SLC9A9: variants seen among roughly 807,000 people sequenced by gnomAD.
SLC9A9 encodes the protein sodium/hydrogen exchanger 9.
SLC9A9 carries 62 observed loss-of-function variants against 77.8 expected under a neutral mutation model. The ratio of observed to expected loss-of-function variants is 0.80; its 90% CI spans 0.65 to 0.98. The LOEUF (loss-of-function observed/expected upper bound fraction) is 0.98, where lower values mean the gene tolerates loss of function less well. Ranked by LOEUF, SLC9A9 falls within the 50% of genes least tolerant of loss-of-function variation. The pLI, the probability that SLC9A9 is intolerant of heterozygous loss-of-function variation, is 0.00. For synonymous variants in SLC9A9, 320 were observed against 283.5 expected (o/e 1.13, Z -1.29); for missense variants, 775 against 774.9 (o/e 1.00, Z 0.00).
At chr3:143,771,262 G>A (rs957337788) in intron 4 of SLC9A9, among the ~76,000 whole-genome samples, 1 of 152,166 alleles carries the variant, frequency 6.6e-6, no homozygotes, top group African/African-American at 2.4e-5. Context: ...GGAACAGGGA[G>A]GAGAGTGTTC....
At chr3:143,712,086 G>A (rs549212690) in intron 4 of SLC9A9, among the ~76,000 whole-genome samples, 2 of 152,270 alleles carry the variant, frequency 1.3e-5, no homozygotes, top group South Asian at 2.1e-4. Flanking sequence ...GAACTGAAAC[G>A]TACACCGTTC....
chr3:143,270,465 C>T (rs1937866679), intron 14 of SLC9A9, among the ~76,000 whole-genome samples: 1 of 152,080 alleles, frequency 6.6e-6, no homozygotes, highest in East Asian at 1.9e-4. Context: ...AGATCTCGCC[C>T]CTGCTGGGGA....
intron 6 of SLC9A9, among the ~76,000 whole-genome samples, chr3:143,625,774 T>C (rs1241121215): frequency 6.6e-6 from 1 of 152,084 alleles, no homozygotes; most frequent in Non-Finnish European, 1.5e-5. Flanking sequence ...TGGGATCTAA[T>C]TAAACTAAAG....
At position 143,609,589 on chromosome 3, in the gene SLC9A9, C is replaced by T. The variant is rs6788188; in HGVS notation, c.756-30866G>A. 7.1e-3 allele frequency among the ~76,000 whole-genome samples: 1,079 copies of T among 152,158 alleles called. 16 individuals are homozygous for T. Among genetic ancestry groups the T allele is most frequent in the African/African-American group, 0.025 (1,024 of 41,490 alleles). ...GTGAAAAGTGGAAGACTTTTCCTCC[C>T]TCTCTGACACCCAAGTCCCACTTCC... On this transcript the variant is annotated intron_variant, in intron 6 of 15. Transcript: ENST00000316549.
At chr3:143,598,906 C>G (rs2037802403) in intron 6 of SLC9A9, among the ~76,000 whole-genome samples, 1 of 152,208 alleles carries the variant, frequency 6.6e-6, no homozygotes, top group South Asian at 2.1e-4. Context: ...TATTATCTTT[C>G]TCAGGGAACA....
At chr3:143,394,433 G>A (rs1020420491) in intron 12 of SLC9A9, among the ~76,000 whole-genome samples, 5 of 152,094 alleles carry the variant, frequency 3.3e-5, no homozygotes, top group African/African-American at 1.2e-4. Flanking sequence ...CAATAAATTA[G>A]GTATTGATGG....
intron 9 of SLC9A9, among the ~76,000 whole-genome samples, chr3:143,550,101 G>A (rs573181300): frequency 1.8e-4 from 28 of 152,266 alleles, no homozygotes; most frequent in African/African-American, 6.5e-4. Flanking sequence ...GAGTCCCTGG[G>A]CAGGTAGAGG....
At chr3:143,815,106 TGAA>T (rs2008970204) in intron 2 of SLC9A9, among the ~76,000 whole-genome samples, 1 of 151,938 alleles carries the variant, frequency 6.6e-6, no homozygotes, top group Non-Finnish European at 1.5e-5. Flanking sequence ...GCCAAAATAA[TGAA>T]GATGTGCTAA....
chr3:143,291,586 TG>T (rs2029979166), intron 14 of SLC9A9, among the ~76,000 whole-genome samples: 1 of 152,162 alleles, frequency 6.6e-6, no homozygotes, highest in Non-Finnish European at 1.5e-5. Context: ...AAAAGGCTAT[TG>T]GGCTGGAGAC....
At chr3:143,660,730 C>T (rs2038965506) in intron 5 of SLC9A9, among the ~76,000 whole-genome samples, 1 of 152,168 alleles carries the variant, frequency 6.6e-6, no homozygotes, top group Non-Finnish European at 1.5e-5. Flanking sequence ...TTTGGTTTTT[C>T]AATATATGAG....
At chr3:143,575,966 C>A (rs1169284829) in intron 7 of SLC9A9, among the ~76,000 whole-genome samples, 1 of 152,162 alleles carries the variant, frequency 6.6e-6, no homozygotes, top group Non-Finnish European at 1.5e-5. Flanking sequence ...TGTTACCGAG[C>A]CTGTTTCTTC....
intron 12 of SLC9A9, among the ~76,000 whole-genome samples, chr3:143,390,696 C>G (rs2033540822): frequency 6.6e-6 from 1 of 152,222 alleles, no homozygotes; most frequent in African/African-American, 2.4e-5. Context: ...AATTCCATTT[C>G]CTAGTCAAGG....
chr3:143,748,871 T>G (rs566337099), intron 4 of SLC9A9, among the ~76,000 whole-genome samples: 2 of 150,580 alleles, frequency 1.3e-5, no homozygotes, highest in African/African-American at 4.9e-5. Context: ...GCCCGGCTAA[T>G]TTTTTGTATT....
intron 12 of SLC9A9, among the ~76,000 whole-genome samples, chr3:143,430,078 G>A (rs1285126714): frequency 6.6e-6 from 1 of 152,178 alleles, no homozygotes; most frequent in Non-Finnish European, 1.5e-5. Context: ...GAATAAGAAT[G>A]CATCTAGGGG....
intron 4 of SLC9A9, among the ~76,000 whole-genome samples, chr3:143,747,253 A>G (rs1935215927): frequency 1.3e-5 from 2 of 151,826 alleles, no homozygotes; most frequent in Non-Finnish European, 1.5e-5. Flanking sequence ...AAAATACAAA[A>G]ACCACCTGGG....
chr3:143,821,653 A>G (rs1186118896), intron 2 of SLC9A9, among the ~76,000 whole-genome samples: 1 of 152,230 alleles, frequency 6.6e-6, no homozygotes, highest in Non-Finnish European at 1.5e-5. Flanking sequence ...GAGAAAAACA[A>G]AAACAAAACC....
At chr3:143,516,318 A>G (rs2036202460) in intron 9 of SLC9A9, among the ~76,000 whole-genome samples, 2 of 151,606 alleles carry the variant, frequency 1.3e-5, no homozygotes, top group South Asian at 4.2e-4. Flanking sequence ...AATCATCTTT[A>G]TTTCAGTTTT....
chr3:143,532,434 CAATT>C (rs2036523838), intron 9 of SLC9A9, among the ~76,000 whole-genome samples: 1 of 152,108 alleles, frequency 6.6e-6, no homozygotes, highest in African/African-American at 2.4e-5. Flanking sequence ...TGACAACTAC[CAATT>C]ATAGTATAAT....
chr3:143,273,677 G>A (rs564331772), intron 14 of SLC9A9, among the ~76,000 whole-genome samples: 3 of 152,284 alleles, frequency 2.0e-5, no homozygotes, highest in African/African-American at 4.8e-5. Context: ...ACCCTGTGGA[G>A]CTGTGTTCTA....
Sources: gnomAD v4.1 joint callset for allele counts (sites outside exome capture counted in the v4.1 genomes callset) on GRCh38, gnomAD v4.1.1 for gene constraint, MANE v1.5 for transcripts, NCBI Gene and HGNC (gene_info 2026-07-23, HGNC 2026-07-21) for gene names.